The following TRIP12 variants were observed in gnomAD, a reference collection of about 807,000 sequenced individuals.
TRIP12 encodes E3 ubiquitin-protein ligase TRIP12.
A neutral mutation model predicts 244.2 loss-of-function variants in TRIP12; 25 were observed. The ratio of observed to expected loss-of-function variants is 0.10; its 90% confidence interval spans 0.07 to 0.14. The LOEUF (loss-of-function observed/expected upper bound fraction) is 0.14, where lower values mean the gene tolerates loss of function less well. TRIP12 is among the 10% of genes least tolerant of loss of function. The pLI is 1.00. For missense variants in TRIP12, 1,677 were observed against 2,486.4 expected, an observed-to-expected ratio of 0.67 and a Z score of 6.92; for synonymous variants, 905 against 873.1, an observed-to-expected ratio of 1.04 and a Z score of -0.64.
intron 34 of TRIP12, among the ~76,000 whole-genome samples, chr2:229,784,372 AATAT>A (rs149072989): frequency 6.7e-6 from 1 of 149,266 alleles, no homozygotes. Flanking sequence ...AACTGTAATT[AATAT>A]ATATATATAT....
rs142762456 is a variant in TRIP12 at position 229,887,600 on chromosome 2, A to T, written c.-49-7472T>A. Among the ~76,000 whole-genome samples, 47 of 152,332 alleles carry T rather than the reference A, an allele frequency of 3.1e-4. 1 individual carries two copies. In the East Asian group the frequency reaches 8.9e-3, roughly 29 times the overall value. On this transcript the variant is annotated intron_variant, in intron 1 of 41. Coordinates refer to ENST00000675903, the MANE Select transcript of TRIP12 (RefSeq NM_001348323.3). ...GGTCAAGAAACATTTTGATGACAGG[A>T]TCTACACAGTGAGAAAGAATAGTCT... is the stretch of plus-strand genomic sequence containing the variant.
chr2:229,880,686 G>A (rs2064662460), intron 1 of TRIP12, among the ~76,000 whole-genome samples: 1 of 152,230 alleles, frequency 6.6e-6, no homozygotes, highest in African/African-American at 2.4e-5. Context: ...GCTCACACCT[G>A]TAATCCCAGT....
chr2:229,769,405 C>T (rs2154228203), intron 39 of TRIP12, 80 bp from the exon 40 acceptor site: 1 of 1,274,954 alleles, frequency 7.8e-7, no homozygotes, highest in Middle Eastern at 2.2e-4. Context: ...CTACGTGTAC[C>T]ATAAAAGAGT....
chr2:229,770,867 T>C (rs756908141), intron 39 of TRIP12, among the ~76,000 whole-genome samples: 72 of 152,226 alleles, frequency 4.7e-4, no homozygotes, highest in Middle Eastern at 3.2e-3. Flanking sequence ...CCATGTGAGA[T>C]GTGCCTTTCA....
intron 8 of TRIP12, among the ~76,000 whole-genome samples, chr2:229,823,894 C>G (rs2154292585): frequency 6.6e-6 from 1 of 151,844 alleles, no homozygotes; most frequent in Middle Eastern, 3.4e-3. Flanking sequence ...TATTAATAGT[C>G]TGACACTATG....
At position 229,846,501 on chromosome 2, in the gene TRIP12, G is replaced by A. The variant is rs137930802; in HGVS notation, c.1028-5574C>T. 3.1e-3 allele frequency among the ~76,000 whole-genome samples: 477 copies of A among 152,054 alleles called. 3 individuals are homozygous for A. Among genetic ancestry groups the A allele is most frequent in the Middle Eastern group, 6.8e-3 (2 of 294 alleles). The stretch of plus-strand genomic sequence containing the variant: ...AATGCTATTTATTGCATGCTTACTA[G>A]ATTACAGTATAGTGTAAGTACAACT... On this transcript the variant is annotated intron_variant, in intron 4 of 41. Coordinates refer to ENST00000675903, the MANE Select transcript of TRIP12 (RefSeq NM_001348323.3).
chr2:229,904,010 TGGGCAACTGAGCAA>T (rs2071891953), intron 1 of TRIP12, among the ~76,000 whole-genome samples: 1 of 152,136 alleles, frequency 6.6e-6, no homozygotes, highest in African/African-American at 2.4e-5. Flanking sequence ...CACTCCCGCC[TGGGCAACTGAGCAA>T]GACCCTGTAT....
intron 4 of TRIP12, among the ~76,000 whole-genome samples, chr2:229,858,393 A>G (rs370994597): frequency 6.6e-6 from 1 of 152,234 alleles, no homozygotes; most frequent in East Asian, 1.9e-4. Context: ...ATCTCTGATC[A>G]TGGCAACTCA....
chr2:229,783,540 T>C (rs2154251149), intron 34 of TRIP12, among the ~76,000 whole-genome samples: 1 of 152,276 alleles, frequency 6.6e-6, no homozygotes, highest in East Asian at 1.9e-4. Flanking sequence ...CATTTTCAGC[T>C]TCATCAAAAA....
intron 33 of TRIP12, among the ~76,000 whole-genome samples, chr2:229,787,121 G>A (rs2040294892): frequency 6.6e-6 from 1 of 152,220 alleles, no homozygotes; most frequent in Non-Finnish European, 1.5e-5. Context: ...TTAAGGGAAT[G>A]AAATGGATCT....
chr2:229,845,403 G>C (rs775643204), intron 4 of TRIP12, among the ~76,000 whole-genome samples: 5 of 152,160 alleles, frequency 3.3e-5, no homozygotes, highest in Non-Finnish European at 7.3e-5. Context: ...GCTATGAATG[G>C]TTTATACATT....
chr2:229,821,151 T>A (rs1575499360), intron 8 of TRIP12, among the ~76,000 whole-genome samples: 1 of 152,166 alleles, frequency 6.6e-6, no homozygotes, highest in Non-Finnish European at 1.5e-5. Context: ...CTGAATTATA[T>A]TTATTAGGAG....
chr2:229,873,735 A>G lies in TRIP12; in HGVS notation c.98+6247T>C, dbSNP rs74001442. On this transcript the variant is annotated intron_variant, in intron 2 of 41. Transcript: ENST00000675903. The stretch of plus-strand genomic sequence containing the variant: ...GGGGGTTTAAAAAAATCTCTGCTCT[A>G]AAAATGTAAAGAAAAATAATAAATA... 7.2e-3 allele frequency among the ~76,000 whole-genome samples: 1,103 copies of G among 152,302 alleles called. 16 individuals are homozygous for G. The highest frequency in any genetic ancestry group is 0.025 in the African/African-American group (1,037 of 41,578).
intron 37 of TRIP12, among the ~76,000 whole-genome samples, chr2:229,775,469 G>A (rs1223653436): frequency 1.3e-5 from 2 of 150,464 alleles, no homozygotes; most frequent in Admixed American, 1.3e-4. Context: ...GTGACTCCCT[G>A]TCACAGATCA....
In TRIP12 at chr2:229,798,984, A is replaced by T; in HGVS notation, c.3373T>A (p.Trp1125Arg). The change falls in exon 23 of 42, where the codon TGG becomes AGG. Residue 1125 changes from tryptophan (W) to arginine (R), a missense_variant. Trp to Arg is a moderately radical substitution (Grantham distance 101, BLOSUM62 -3). Transcript: ENST00000675903. ...TTGGACTGTGTACTTAACCTTCCCC[A>T]TGTTTTTGGATTCAAGCTTGCCAGG... ...SFLASLNPKT[W>R]GRLSTQSNSN... The T allele has an allele frequency of 6.2e-7, 1 of 1,614,070 alleles. No individual in the cohort carries two copies. Among genetic ancestry groups the T allele is most frequent in the Non-Finnish European group, 8.5e-7 (1 of 1,180,018 alleles).
In TRIP12 at chr2:229,839,678, C is replaced by CA. The variant is rs1228213948; in HGVS notation, c.1133+1143dup. 3.0e-3 allele frequency among the ~76,000 whole-genome samples: 289 copies of CA among 94,862 alleles called. 1 individual carries two copies. The highest frequency in any genetic ancestry group is 6.0e-3 in the Middle Eastern group (1 of 168). 62.2% of individuals were successfully genotyped at this position (94,862 alleles called of 152,430 possible). On this transcript the variant is annotated intron_variant, in intron 5 of 41. Coordinates refer to ENST00000675903, the MANE Select transcript of TRIP12 (RefSeq NM_001348323.3). ...TGGGCGACAGAGTGAGACTCCATCT[C>CA]AAAAAAAAAAAAAAGAAAAAAGTGG...
chr2:229,854,361 G>C (rs2059249138), intron 4 of TRIP12, among the ~76,000 whole-genome samples: 2 of 152,164 alleles, frequency 1.3e-5, no homozygotes, highest in African/African-American at 4.8e-5. Context: ...CCAATGGCCA[G>C]GACTTACTGA....
intron 34 of TRIP12, among the ~76,000 whole-genome samples, chr2:229,781,833 G>A (rs918191130): frequency 3.9e-5 from 6 of 152,190 alleles, no homozygotes; most frequent in Non-Finnish European, 5.9e-5. Context: ...TGCTTGTGAG[G>A]TAGGGGTGGA....
intron 4 of TRIP12, among the ~76,000 whole-genome samples, chr2:229,851,045 C>T (rs1049516051): frequency 2.0e-5 from 3 of 152,210 alleles, no homozygotes; most frequent in African/African-American, 7.2e-5. Flanking sequence ...CGACGAGCGC[C>T]GCCCCCTGCT....
Sources: gnomAD v4.1 joint callset for allele counts (sites outside exome capture counted in the v4.1 genomes callset) on GRCh38, gnomAD v4.1.1 for gene constraint, MANE v1.5 for transcripts, NCBI Gene and HGNC (gene_info 2026-07-23, HGNC 2026-07-21) for gene names.